The following ATRX variants were observed in gnomAD, a reference collection of about 807,000 sequenced individuals.
ATRX encodes chromatin remodeler ATRX.
ATRX carries 12 observed loss-of-function variants against 172.6 expected under a neutral mutation model. The ratio of observed to expected loss-of-function variants is 0.07; its 90% CI spans 0.04 to 0.11. ATRX has a LOEUF of 0.11. Among genes scored for constraint, ATRX ranks in the 10% least tolerant of loss-of-function variants. ATRX has a pLI of 1.00. For missense variants in ATRX, 1,368 were observed against 1,767.4 expected (o/e 0.77, Z 4.05); for synonymous variants, 674 against 594.7 (o/e 1.13, Z -1.94).
intron 1 of ATRX, among the ~76,000 whole-genome samples, chrX:77,750,238 A>AT: frequency 8.9e-6 from 1 of 111,824 alleles, no homozygotes; most frequent in East Asian, 2.8e-4. Flanking sequence ...GGAAAAAAAC[A>AT]TAAGTGTATA....
intron 10 of ATRX, among the ~76,000 whole-genome samples, chrX:77,668,647 A>G: frequency 9.0e-6 from 1 of 111,489 alleles, no homozygotes; most frequent in South Asian, 3.8e-4. Flanking sequence ...TATGGGAGGA[A>G]GGGTAAAAAC....
chrX:77,719,413 C>T (rs928534140), intron 1 of ATRX, among the ~76,000 whole-genome samples: 4 of 110,657 alleles, frequency 3.6e-5, no homozygotes, highest in Non-Finnish European at 7.6e-5. Context: ...CCAATTTATA[C>T]TAAGTAGGAT....
At chrX:77,695,911 A>G (rs2072161883) in intron 5 of ATRX, among the ~76,000 whole-genome samples, 1 of 111,744 alleles carries the variant, frequency 8.9e-6, no homozygotes, top group Non-Finnish European at 1.9e-5. Flanking sequence ...AAAAAAATCT[A>G]AAATTTGACT....
In ATRX at chrX:77,652,261, G is replaced by A. The variant is rs2069281989; in HGVS notation, c.4410C>T (p.Ser1470=). The stretch of plus-strand genomic sequence containing the variant: ...TCTTTCTGCCTTTTCCAGGAGACTT[G>A]GAATCATCATTTTCATCTTCCTCCT... ...EEEEEDENDD[S]KSPGKGRKKI... is the part of the protein sequence containing the mutation. The change falls in exon 15 of 35, where the codon TCC becomes TCT. Residue 1470 remains serine, a synonymous_variant. Coordinates refer to ENST00000373344, the MANE Select transcript of ATRX (RefSeq NM_000489.6). 3.3e-6 allele frequency: 4 copies of A among 1,209,468 alleles called. No homozygotes were observed. Among genetic ancestry groups the A allele is most frequent in the Non-Finnish European group, 4.5e-6 (4 of 895,189 alleles).
chrX:77,556,442 G>C (rs2147937448), intron 30 of ATRX, among the ~76,000 whole-genome samples: 1 of 101,228 alleles, frequency 9.9e-6, no homozygotes, highest in Admixed American at 1.1e-4. Context: ...GGGGAGAAGA[G>C]AGAAAGAAAA....
intron 1 of ATRX, among the ~76,000 whole-genome samples, chrX:77,735,638 A>AT (rs2074519144): frequency 1.2e-4 from 11 of 88,368 alleles, no homozygotes; most frequent in Admixed American, 6.6e-4. Flanking sequence ...AAATAAATAA[A>AT]AATAAATACA....
chrX:77,594,081 A>G, intron 25 of ATRX: 4 of 338,018 alleles, frequency 1.2e-5, no homozygotes, highest in Non-Finnish European at 1.5e-5. Context: ...AGGAGATGCC[A>G]AATAAGAGAA....
chrX:77,508,921 TACA>T (rs782032403), intron 34 of ATRX, among the ~76,000 whole-genome samples: 1 of 112,298 alleles, frequency 8.9e-6, no homozygotes, highest in African/African-American at 3.2e-5. Flanking sequence ...AAGTATTAGT[TACA>T]ACACTTTTTG....
chrX:77,644,000 C>G (rs941899433), intron 15 of ATRX, among the ~76,000 whole-genome samples: 2 of 111,202 alleles, frequency 1.8e-5, no homozygotes, highest in African/African-American at 6.5e-5. Context: ...AATGCAATGG[C>G]GCAATCTTGG....
At chrX:77,574,859 T>C (rs2065552102) in intron 27 of ATRX, among the ~76,000 whole-genome samples, 1 of 110,855 alleles carries the variant, frequency 9.0e-6, no homozygotes. Flanking sequence ...AATTTCAGTG[T>C]ACGTTTCCAT....
intron 1 of ATRX, among the ~76,000 whole-genome samples, chrX:77,768,540 G>C (rs2076051552): frequency 9.0e-6 from 1 of 111,364 alleles, no homozygotes; most frequent in Admixed American, 9.6e-5. Flanking sequence ...TTTTAAAATT[G>C]GATCACAACT....
Position 77,522,303 on chromosome X carries a change from T to C in ATRX, c.6935A>G (p.Asn2312Ser), listed in dbSNP as rs1403602904. Residue 2312 changes from asparagine (N) to serine (S), a missense_variant, in exon 32 of 35, where the codon AAT becomes AGT. By Grantham distance (46) the Asn-to-Ser change is conservative. Around this residue, in one of 17 missense-constraint regions of ATRX, gnomAD observed 100 missense variants for 153.9 expected, o/e 0.65. Coordinates refer to ENST00000373344, the MANE Select transcript of ATRX (RefSeq NM_000489.6). Reference sequence around the variant, plus strand: ...ACTCATTGCTGACAGGGCTCCCAAATTGAAAGGAATATAAGGAGTTTGAGA... The same window carrying C: ...ACTCATTGCTGACAGGGCTCCCAAACTGAAAGGAATATAAGGAGTTTGAGA... The part of the protein sequence containing the change: ...FNSQTPYIPF[N>S]LGALSAMSNQ... The C allele has an allele frequency of 6.6e-6, 8 of 1,210,540 alleles. No homozygotes were observed. The highest frequency in any genetic ancestry group is 7.8e-6 in the Non-Finnish European group (7 of 894,652).
intron 30 of ATRX, among the ~76,000 whole-genome samples, chrX:77,527,072 G>A (rs1177525563): frequency 8.9e-6 from 1 of 112,026 alleles, no homozygotes; most frequent in Non-Finnish European, 1.9e-5. Context: ...TCAAAGAACC[G>A]AACAAAACAA....
intron 27 of ATRX, among the ~76,000 whole-genome samples, chrX:77,583,294 C>T (rs1166655439): frequency 1.8e-5 from 2 of 111,364 alleles, no homozygotes; most frequent in Non-Finnish European, 3.8e-5. Context: ...AAGGCCGAGG[C>T]AGGTGGACCG....
intron 2 of ATRX, among the ~76,000 whole-genome samples, chrX:77,702,593 A>G (rs1255091415): frequency 8.9e-6 from 1 of 112,105 alleles, no homozygotes; most frequent in African/African-American, 3.2e-5. Flanking sequence ...AATTCCATTT[A>G]TAACAGAATT....
At chrX:77,580,761 A>C (rs2065798855) in intron 27 of ATRX, among the ~76,000 whole-genome samples, 1 of 111,881 alleles carries the variant, frequency 8.9e-6, no homozygotes. Flanking sequence ...AGAAAAATAC[A>C]GAATATTATA....
chrX:77,538,229 A>AC (rs2063826446), intron 30 of ATRX, among the ~76,000 whole-genome samples: 8 of 96,211 alleles, frequency 8.3e-5, no homozygotes, highest in South Asian at 4.6e-4. Context: ...ATACACACAC[A>AC]AACACACACA....
Position 77,698,526 on chromosome X carries a change from T to C in ATRX, c.189+48A>G, listed in dbSNP as rs782804252. ...AGAAGCAATCTAAAGACATATGCTC[T>C]ACTTGGTTAATCGTAACTAACAAAT... On this transcript the variant is annotated intron_variant, in intron 3 of 34. Transcript: ENST00000373344. 2.7e-6 allele frequency: 3 copies of C among 1,106,803 alleles called. No individual in the cohort carries two copies. In the South Asian group the frequency reaches 5.5e-5, roughly 20 times the overall value. 91.2% of individuals were successfully genotyped at this position (1,106,803 alleles called of 1,213,427 possible).
intron 27 of ATRX, among the ~76,000 whole-genome samples, chrX:77,578,168 T>C (rs2065696018): frequency 9.0e-6 from 1 of 111,568 alleles, no homozygotes; most frequent in South Asian, 3.7e-4. Context: ...TTTTAGTAAG[T>C]CACGCCACAG....
Sources: gnomAD v4.1 joint callset for allele counts (sites outside exome capture counted in the v4.1 genomes callset) on GRCh38, gnomAD v4.1.1 for gene constraint, gnomAD v4.1.1 regional missense constraint, MANE v1.5 for transcripts, NCBI Gene and HGNC (gene_info 2026-07-23, HGNC 2026-07-21) for gene names.